Variants in ANGPTL2 observed in about 807,000 individuals in gnomAD.
ANGPTL2 encodes angiopoietin-related protein 2.
ANGPTL2 carries 25 observed loss-of-function variants against 52.8 expected under a neutral mutation model. The ratio of observed to expected loss-of-function variants is 0.47; its 90% CI spans 0.35 to 0.66. ANGPTL2 has a LOEUF of 0.66. Among genes scored for constraint, ANGPTL2 ranks in the 30% least tolerant of loss-of-function variants. ANGPTL2 has a pLI of 0.01. For missense variants in ANGPTL2, 546 were observed against 656.9 expected (o/e 0.83, Z 1.84); for synonymous variants, 276 against 277.4 (o/e 1.00, Z 0.05).
At chr9:127,117,968 G>T (rs1336737847) in intron 1 of ANGPTL2, among the ~76,000 whole-genome samples, 1 of 152,202 alleles carries the variant, frequency 6.6e-6, no homozygotes, top group African/African-American at 2.4e-5. Context: ...GAGGCTCTGG[G>T]GCTGCTGGCC....
chr9:127,100,092 T>C (rs909632406), intron 2 of ANGPTL2, among the ~76,000 whole-genome samples: 1 of 152,262 alleles, frequency 6.6e-6, no homozygotes, highest in Admixed American at 6.5e-5. Context: ...GTTACTACTT[T>C]TGAAAACAAC....
chr9:127,113,698 G>A (rs988061515), intron 1 of ANGPTL2, among the ~76,000 whole-genome samples: 1 of 152,154 alleles, frequency 6.6e-6, no homozygotes, highest in Non-Finnish European at 1.5e-5. Context: ...TTTCCATCAC[G>A]CATGGGTTTT....
chr9:127,113,074 A>G (rs1009841282), intron 1 of ANGPTL2, among the ~76,000 whole-genome samples: 1 of 152,154 alleles, frequency 6.6e-6, no homozygotes, highest in African/African-American at 2.4e-5. Context: ...GCCTAGGCTT[A>G]GTGGGGGTGA....
At chr9:127,120,829 A>G (rs958482127) in intron 1 of ANGPTL2, among the ~76,000 whole-genome samples, 4 of 146,836 alleles carry the variant, frequency 2.7e-5, no homozygotes, top group Non-Finnish European at 6.0e-5. Context: ...CTCCATCTCA[A>G]AAAAAAAAAA....
chr9:127,120,481 G>T (rs907361787), intron 1 of ANGPTL2, among the ~76,000 whole-genome samples: 2 of 152,188 alleles, frequency 1.3e-5, no homozygotes, highest in African/African-American at 2.4e-5. Flanking sequence ...TCTCTGTCTC[G>T]TGGGATTTTC....
At chr9:127,089,853 G>A (rs1381567497) in intron 4 of ANGPTL2, among the ~76,000 whole-genome samples, 4 of 152,210 alleles carry the variant, frequency 2.6e-5, no homozygotes, top group African/African-American at 9.7e-5. Context: ...GAGGACAGGG[G>A]GCCACTATCT....
intron 1 of ANGPTL2, among the ~76,000 whole-genome samples, chr9:127,114,945 G>A (rs1332907765): frequency 6.6e-6 from 1 of 152,216 alleles, no homozygotes; most frequent in Admixed American, 6.5e-5. Context: ...CTGTTGAAAT[G>A]TATGGTGTGC....
In ANGPTL2 at chr9:127,091,287, C is replaced by G. The variant is rs1032893319; in HGVS notation, c.1282+383G>C. ...AGGAGGTGGGGCCAGCACTGGAGCC[C>G]AGGTGTGTGGCCCAGAGCCTACGCA... On this transcript the variant is annotated intron_variant, in intron 4 of 4. Coordinates refer to ENST00000373425, the MANE Select transcript of ANGPTL2 (RefSeq NM_012098.3). The surrounding 1 kb of genome is among the most constrained non-coding windows in gnomAD (Gnocchi z 4.3). 3.3e-5 allele frequency among the ~76,000 whole-genome samples: 5 copies of G among 152,222 alleles called. No homozygotes were observed. Among genetic ancestry groups the G allele is most frequent in the Non-Finnish European group, 5.9e-5 (4 of 68,038 alleles).
intron 1 of ANGPTL2, among the ~76,000 whole-genome samples, chr9:127,121,854 G>A (rs940906553): frequency 2.0e-5 from 3 of 152,206 alleles, no homozygotes; most frequent in African/African-American, 7.2e-5. Flanking sequence ...CCTCAGCACA[G>A]CGCTTGCCTT....
intron 1 of ANGPTL2, among the ~76,000 whole-genome samples, chr9:127,113,455 T>G (rs2055061738): frequency 6.6e-6 from 1 of 151,820 alleles, no homozygotes; most frequent in Non-Finnish European, 1.5e-5. Context: ...TTACTTTTGC[T>G]CTCTTGATAT....
At chr9:127,092,851 C>G (rs893244334) in intron 3 of ANGPTL2, among the ~76,000 whole-genome samples, 1 of 152,038 alleles carries the variant, frequency 6.6e-6, no homozygotes, top group Non-Finnish European at 1.5e-5. Flanking sequence ...GGGGGACAAC[C>G]AGGACAGGAG....
At position 127,122,102 on chromosome 9, in the gene ANGPTL2, G is replaced by A. The variant is rs530422920; in HGVS notation, c.-50+213C>T. Among the ~76,000 whole-genome samples the A allele has an allele frequency of 6.6e-5, 10 of 152,318 alleles. No individual in the cohort carries two copies. The East Asian group carries it at 1.9e-3, about 29-fold the overall frequency. On this transcript the variant is annotated intron_variant, in intron 1 of 4. Transcript: ENST00000373425. The surrounding 1 kb of genome is among the most constrained non-coding windows in gnomAD (Gnocchi z 6.4). ...TACTCATGAAGTCCTCGAGATGCCA[G>A]CCCATGATCATGTGCCCCCAAACAC...
intron 1 of ANGPTL2, among the ~76,000 whole-genome samples, chr9:127,118,938 G>T (rs1589592120): frequency 6.6e-6 from 1 of 152,218 alleles, no homozygotes. Flanking sequence ...GTGGCCCAGT[G>T]TGGGTGATGA....
In ANGPTL2 at chr9:127,087,519, C is replaced by T. The variant is rs567058156; in HGVS notation, c.*1420G>A. 7 of 152,792 alleles carry T rather than the reference C, an allele frequency of 4.6e-5. No individual in the cohort carries two copies. Among genetic ancestry groups the T allele is most frequent in the African/African-American group, 1.2e-4 (5 of 41,578 alleles). 9.5% of individuals were successfully genotyped at this position (152,792 alleles called of 1,614,324 possible). A position where few individuals can be genotyped will look rare whatever the true frequency, so the allele number is the denominator to read the frequency against. ...GACATGGACAGTACCAAACATCCAA[C>T]ATCTCACACAGCCTGGCCCACGTGC... is the stretch of plus-strand genomic sequence containing the variant. On this transcript the variant is annotated 3_prime_UTR_variant, in exon 5 of 5. Transcript: ENST00000373425.
rs1170816691 is a variant in ANGPTL2, at chr9:127,087,999, C to T, written c.*940G>A. On this transcript the variant is annotated 3_prime_UTR_variant, in exon 5 of 5. Coordinates refer to ENST00000373425, the MANE Select transcript of ANGPTL2 (RefSeq NM_012098.3). The stretch of plus-strand genomic sequence containing the variant: ...TTTTGGCCTGGCCTTCCCTTCCCAA[C>T]CAGAAACCTGGAGCCCGGAGTGTTT... 6.6e-6 allele frequency: 1 copy of T among 152,634 alleles called. No individual in the cohort carries two copies. Among genetic ancestry groups the T allele is most frequent in the African/African-American group, 2.4e-5 (1 of 41,442 alleles). 9.5% of individuals were successfully genotyped at this position (152,634 alleles called of 1,614,324 possible). A position where few individuals can be genotyped will look rare whatever the true frequency, so the allele number is the denominator to read the frequency against.
chr9:127,097,746 C>T (rs1306965615), intron 2 of ANGPTL2, among the ~76,000 whole-genome samples: 3 of 152,178 alleles, frequency 2.0e-5, no homozygotes, highest in African/African-American at 4.8e-5. Context: ...TCGTAGGGGG[C>T]CAGGCAAGGG....
At chr9:127,092,007 C>G in intron 3 of ANGPTL2, 67 bp from the exon 4 acceptor site, 1 of 1,574,166 alleles carries the variant, frequency 6.4e-7, no homozygotes, top group Non-Finnish European at 8.6e-7. Flanking sequence ...GCTTGGCTGT[C>G]AGACACTCAG....
At chr9:127,120,156 CTGA>C (rs1166493218) in intron 1 of ANGPTL2, among the ~76,000 whole-genome samples, 1 of 152,188 alleles carries the variant, frequency 6.6e-6, no homozygotes, top group Non-Finnish European at 1.5e-5. Context: ...CGGGGCAAAC[CTGA>C]CTATGGATCC....
intron 4 of ANGPTL2, among the ~76,000 whole-genome samples, chr9:127,090,130 T>A (rs1240476174): frequency 6.6e-6 from 1 of 152,168 alleles, no homozygotes; most frequent in Non-Finnish European, 1.5e-5. Flanking sequence ...CAAGTGGCAG[T>A]GTTGGACTGG....
Sources: allele counts gnomAD v4.1 joint callset (sites outside exome capture counted in the v4.1 genomes callset), GRCh38; gene constraint gnomAD v4.1.1; non-coding constraint Gnocchi (gnomAD v3.1); transcripts MANE v1.5; gene names NCBI Gene and HGNC (gene_info 2026-07-23, HGNC 2026-07-21).